The following RTN3 variants were observed in gnomAD, a reference collection of about 807,000 sequenced individuals.
RTN3 encodes the protein reticulon-3.
Under a neutral mutation model 77.8 loss-of-function variants are expected in RTN3, and 49 were observed. That is an observed-to-expected ratio of 0.63 (90% CI 0.50 to 0.80). RTN3 has a LOEUF of 0.80. Ranked by LOEUF, RTN3 falls within the 30% of genes least tolerant of loss-of-function variation. RTN3 has a pLI of 0.00. For missense variants in RTN3, 1,236 were observed against 1,211.9 expected, an observed-to-expected ratio of 1.02 and a Z score of -0.29; for synonymous variants, 464 against 446.9, an observed-to-expected ratio of 1.04 and a Z score of -0.48.
In RTN3 at chr11:63,700,248, G is replaced by A. The variant is rs561197183; in HGVS notation, c.143-4603G>A. On this transcript the variant is annotated intron_variant, in intron 1 of 8. Transcript: ENST00000377819. ...AATGCATGTAGAAATGGATCCATCT[G>A]GAAACATAGAGATAGGAAAACATGA... 4.0e-5 allele frequency among the ~76,000 whole-genome samples: 6 copies of A among 150,032 alleles called. No individual in the cohort carries two copies. The South Asian group carries it at 1.3e-3, about 32-fold the overall frequency.
chr11:63,683,082 C>T (rs1025471292), intron 1 of RTN3, among the ~76,000 whole-genome samples: 1 of 152,016 alleles, frequency 6.6e-6, no homozygotes, highest in African/African-American at 2.4e-5. Flanking sequence ...GTATTATTCT[C>T]TACGTGTTTT....
At chr11:63,694,180 T>A (rs999213810) in intron 1 of RTN3, among the ~76,000 whole-genome samples, 1 of 144,142 alleles carries the variant, frequency 6.9e-6, no homozygotes, top group African/African-American at 2.5e-5. Flanking sequence ...TTAATTATGG[T>A]TTTTTTTTTT....
intron 2 of RTN3, among the ~76,000 whole-genome samples, chr11:63,707,529 A>G (rs1942555567): frequency 6.6e-6 from 1 of 152,190 alleles, no homozygotes; most frequent in Non-Finnish European, 1.5e-5. Flanking sequence ...TATTGTAGAA[A>G]GGTAATTAAG....
intron 1 of RTN3, among the ~76,000 whole-genome samples, chr11:63,691,956 T>G (rs938656359): frequency 6.6e-6 from 1 of 152,182 alleles, no homozygotes; most frequent in African/African-American, 2.4e-5. Context: ...CCGTAAATGC[T>G]GATATCCTCA....
At chr11:63,740,705 T>C (rs2013415996) in intron 3 of RTN3, among the ~76,000 whole-genome samples, 1 of 151,984 alleles carries the variant, frequency 6.6e-6, no homozygotes. Context: ...GTGCTGGGAT[T>C]ACAGTCATGA....
At chr11:63,742,840 G>A (rs2013567133) in intron 3 of RTN3, among the ~76,000 whole-genome samples, 1 of 151,944 alleles carries the variant, frequency 6.6e-6, no homozygotes, top group Admixed American at 6.6e-5. Flanking sequence ...TCTTTTGTGA[G>A]ATTTATACCT....
chr11:63,735,509 T>G (rs1056106616), intron 3 of RTN3, among the ~76,000 whole-genome samples: 15 of 148,462 alleles, frequency 1.0e-4, no homozygotes, highest in Admixed American at 9.6e-4. Context: ...CTCACACTGA[T>G]CTATGGATTC....
intron 3 of RTN3, among the ~76,000 whole-genome samples, chr11:63,740,620 A>C (rs1233755113): frequency 6.6e-6 from 1 of 151,090 alleles, no homozygotes; most frequent in Non-Finnish European, 1.5e-5. Flanking sequence ...TAATAGAGAT[A>C]GGGTCTCACT....
chr11:63,719,419 C>T lies in RTN3; in HGVS notation c.917C>T (p.Pro306Leu). 6.2e-7 allele frequency: 1 copy of T among 1,614,110 alleles called. No homozygotes were observed. Among genetic ancestry groups the T allele is most frequent in the Non-Finnish European group, 8.5e-7 (1 of 1,180,030 alleles). ...PLRNKEAGRY[P>L]MSALLSRQFS... ...AGAAATAAAGAGGCAGGACGTTACCCAATGTCTGCATTGCTCAGTAGGCAG... is the reference window on the plus strand; with the variant it reads ...AGAAATAAAGAGGCAGGACGTTACCTAATGTCTGCATTGCTCAGTAGGCAG... Residue 306 changes from proline (P) to leucine (L), a missense_variant, in exon 3 of 9, where the codon CCA (proline) becomes CTA (leucine). Transcript: ENST00000377819.
intron 3 of RTN3, among the ~76,000 whole-genome samples, chr11:63,725,501 T>G (rs750475254): frequency 6.6e-6 from 1 of 151,940 alleles, no homozygotes; most frequent in Non-Finnish European, 1.5e-5. Context: ...CAGGCTGGAG[T>G]GCAGTGGTGC....
In RTN3 at chr11:63,719,116, T is replaced by A; in HGVS notation, c.614T>A (p.Phe205Tyr). Reference protein sequence around the residue: ...AKTALDADDRFTLLTAQKPPT... With the variant: ...AKTALDADDRYTLLTAQKPPT... The stretch of plus-strand genomic sequence containing the variant: ...ACTGCATTGGATGCTGATGACAGAT[T>A]CACTTTGCTGACAGCCCAGAAACCA... The change falls in exon 3 of 9, where the codon TTC (phenylalanine) becomes TAC (tyrosine). Residue 205 changes from phenylalanine (F) to tyrosine (Y), a missense_variant. Coordinates refer to ENST00000377819, the MANE Select transcript of RTN3 (RefSeq NM_001265589.2). 1 of 1,614,150 alleles carries A rather than the reference T, an allele frequency of 6.2e-7. No homozygotes were observed. Among genetic ancestry groups the A allele is most frequent in the South Asian group, 1.1e-5 (1 of 91,078 alleles).
chr11:63,748,976 C>CT (rs1355338088), intron 3 of RTN3, among the ~76,000 whole-genome samples: 1 of 151,916 alleles, frequency 6.6e-6, no homozygotes, highest in Admixed American at 6.6e-5. Flanking sequence ...CCCCCACTCA[C>CT]TTTTTTTAAG....
At chr11:63,752,453 T>C in intron 4 of RTN3, 54 bp from the exon 5 acceptor site, 3 of 1,562,202 alleles carry the variant, frequency 1.9e-6, no homozygotes, top group Non-Finnish European at 2.6e-6. Context: ...ACTACTGTGC[T>C]AACAAAATCT....
At chr11:63,717,806 G>A (rs2134811932) in intron 2 of RTN3, among the ~76,000 whole-genome samples, 1 of 151,938 alleles carries the variant, frequency 6.6e-6, no homozygotes, top group Non-Finnish European at 1.5e-5. Context: ...TTGAGGTCAG[G>A]AGTTAAGAGA....
Position 63,720,259 on chromosome 11 carries a change from C to T in RTN3, c.1757C>T (p.Pro586Leu). The change falls in exon 3 of 9, where the codon CCC becomes CTC. Residue 586 changes from proline to leucine, a missense_variant. Around this residue, in one of 3 missense-constraint regions of RTN3, gnomAD observed 1,056 missense variants for 990.4 expected, o/e 1.07. Transcript: ENST00000377819. ...PASEAACSKV[P>L]DTNVSLEDVS... Reference sequence around the variant, plus strand: ...AGTGAGGCAGCATGTTCAAAAGTACCCGATACGAATGTCTCCTTAGAAGAT... The same window carrying T: ...AGTGAGGCAGCATGTTCAAAAGTACTCGATACGAATGTCTCCTTAGAAGAT... 1 of 1,613,888 alleles carries T rather than the reference C, an allele frequency of 6.2e-7. No homozygotes were observed. The highest frequency in any genetic ancestry group is 8.5e-7 in the Non-Finnish European group (1 of 1,179,972).
chr11:63,734,502 C>T (rs1193819061), intron 3 of RTN3, among the ~76,000 whole-genome samples: 1 of 151,792 alleles, frequency 6.6e-6, no homozygotes, highest in Non-Finnish European at 1.5e-5. Flanking sequence ...TTTGGGAGGC[C>T]GAGGTGAGCG....
rs372195772 is a variant in RTN3 at position 63,753,157 on chromosome 11, T to G, written c.2947+19T>G. On this transcript the variant is annotated intron_variant, in intron 6 of 8. Coordinates refer to ENST00000377819, the MANE Select transcript of RTN3 (RefSeq NM_001265589.2). ...ATTCTTGGTAAGGTGGCAAGGAGAA[T>G]GTGCCCATGCTCTTTGAAGTAGTTT... 1.9e-6 allele frequency: 3 copies of G among 1,607,564 alleles called. No homozygotes were observed. The highest frequency in any genetic ancestry group is 2.6e-6 in the Non-Finnish European group (3 of 1,174,040).
At chr11:63,731,900 G>A (rs945222208) in intron 3 of RTN3, among the ~76,000 whole-genome samples, 1 of 151,884 alleles carries the variant, frequency 6.6e-6, no homozygotes, top group Non-Finnish European at 1.5e-5. Flanking sequence ...ATCCGTCCAC[G>A]TTGGCCTCCC....
intron 1 of RTN3, among the ~76,000 whole-genome samples, chr11:63,693,155 G>A (rs2134653796): frequency 6.6e-6 from 1 of 152,294 alleles, no homozygotes; most frequent in East Asian, 1.9e-4. Flanking sequence ...GGAAGAATGA[G>A]TGGAGAAACT....
Sources: gnomAD v4.1 joint callset for allele counts (sites outside exome capture counted in the v4.1 genomes callset) on GRCh38, gnomAD v4.1.1 for gene constraint, gnomAD v4.1.1 regional missense constraint, MANE v1.5 for transcripts, NCBI Gene and HGNC (gene_info 2026-07-23, HGNC 2026-07-21) for gene names.